PIR: variants seen among roughly 807,000 people sequenced by gnomAD.
PIR encodes pirin (iron-binding nuclear protein).
A neutral mutation model predicts 24.2 loss-of-function variants in PIR; 22 were observed. The ratio of observed to expected loss-of-function variants is 0.91; its 90% CI spans 0.65 to 1.30. The LOEUF is 1.30. Among genes scored for constraint, PIR ranks in the 50% most tolerant of loss-of-function variants. PIR has a pLI of 0.00. For missense variants in PIR, 220 were observed against 220.3 expected, an observed-to-expected ratio of 1.00 and a Z score of 0.01; for synonymous variants, 80 against 79.6, an observed-to-expected ratio of 1.00 and a Z score of -0.03.
chrX:15,425,639 T>C (rs1569199760), intron 6 of PIR, among the ~76,000 whole-genome samples: 1 of 111,163 alleles, frequency 9.0e-6, no homozygotes, highest in Non-Finnish European at 1.9e-5. Flanking sequence ...CTTGATCTCC[T>C]GACCTCGTGA....
intron 3 of PIR, 79 bp from the exon 4 acceptor site, chrX:15,459,819 C>T (rs1046943474): frequency 4.1e-5 from 22 of 532,121 alleles, no homozygotes; most frequent in African/African-American, 6.9e-5. Flanking sequence ...TCCCTACTGA[C>T]TTGTATGAGT....
chrX:15,483,646 A>G (rs184792205), intron 2 of PIR, among the ~76,000 whole-genome samples: 9 of 112,750 alleles, frequency 8.0e-5, no homozygotes, highest in Non-Finnish European at 1.5e-4. Context: ...TTAAAAGTCC[A>G]GGAACAGAAC....
At chrX:15,459,276 G>C (rs1242687885) in intron 4 of PIR, among the ~76,000 whole-genome samples, 1 of 111,988 alleles carries the variant, frequency 8.9e-6, no homozygotes, top group African/African-American at 3.2e-5. Context: ...TGGCAACTGG[G>C]ACATCACAAG....
intron 5 of PIR, among the ~76,000 whole-genome samples, chrX:15,438,532 T>A (rs1437190386): frequency 8.9e-6 from 1 of 111,980 alleles, no homozygotes; most frequent in Non-Finnish European, 1.9e-5. Context: ...CCTAGGCAAG[T>A]TGCTAACCTC....
At chrX:15,411,970 T>A (rs1473651326) in intron 6 of PIR, among the ~76,000 whole-genome samples, 1 of 112,138 alleles carries the variant, frequency 8.9e-6, no homozygotes, top group Non-Finnish European at 1.9e-5. Context: ...TTCTTTTTTT[T>A]TCTGAACTAT....
At chrX:15,389,387 A>G (rs1354177979) in intron 9 of PIR, among the ~76,000 whole-genome samples, 2 of 111,830 alleles carry the variant, frequency 1.8e-5, no homozygotes, top group Non-Finnish European at 3.8e-5. Flanking sequence ...TTTTTAAAGC[A>G]ATCCGTGTTC....
chrX:15,389,994 A>G (rs1923902280), intron 9 of PIR, 191 bp downstream of exon 9: 1 of 282,710 alleles, frequency 3.5e-6, no homozygotes, highest in South Asian at 2.2e-4. Flanking sequence ...GTTTCTTTAA[A>G]AAAAAAGAGA....
chrX:15,446,035 T>C, intron 5 of PIR, among the ~76,000 whole-genome samples: 2 of 109,360 alleles, frequency 1.8e-5, no homozygotes, highest in Admixed American at 1.9e-4. Flanking sequence ...TTCACCATGT[T>C]AGCCAGGACG....
chrX:15,421,858 C>T (rs1375051939), intron 6 of PIR, among the ~76,000 whole-genome samples: 1 of 111,345 alleles, frequency 9.0e-6, no homozygotes, highest in Admixed American at 9.6e-5. Flanking sequence ...AACCACAAGT[C>T]AATATTGCTG....
At chrX:15,432,236 A>G (rs1925533865) in intron 5 of PIR, among the ~76,000 whole-genome samples, 1 of 112,035 alleles carries the variant, frequency 8.9e-6, no homozygotes, top group Non-Finnish European at 1.9e-5. Flanking sequence ...AATATTGGTT[A>G]AGAATCTATA....
chrX:15,455,148 T>C (rs1005844015), intron 5 of PIR, among the ~76,000 whole-genome samples: 2 of 112,276 alleles, frequency 1.8e-5, no homozygotes, highest in African/African-American at 6.5e-5. Context: ...CTACCTCAGA[T>C]TGGTTGGTGT....
At chrX:15,429,801 A>C (rs1198652535) in intron 5 of PIR, 1 of 109,531 alleles carries the variant, frequency 9.1e-6, no homozygotes, top group African/African-American at 3.3e-5. Flanking sequence ...GCTTGCAGTG[A>C]GCCGAGATCC....
intron 5 of PIR, among the ~76,000 whole-genome samples, chrX:15,428,729 G>A (rs184806069): frequency 1.3e-3 from 140 of 110,128 alleles, no homozygotes; most frequent in Non-Finnish European, 2.4e-3. Context: ...GGCTGGTTTC[G>A]GACTCCTGGG....
intron 5 of PIR, among the ~76,000 whole-genome samples, chrX:15,436,595 G>C (rs1470107699): frequency 8.9e-6 from 1 of 112,054 alleles, no homozygotes; most frequent in African/African-American, 3.2e-5. Flanking sequence ...CTAACACAGA[G>C]CCTTCCTATT....
At chrX:15,395,897 T>G (rs761801879) in intron 8 of PIR, among the ~76,000 whole-genome samples, 1 of 112,353 alleles carries the variant, frequency 8.9e-6, no homozygotes, top group East Asian at 2.8e-4. Flanking sequence ...ACGATGCCAC[T>G]GGAGCCAGGA....
chrX:15,462,030 G>C (rs1471340043), intron 3 of PIR, among the ~76,000 whole-genome samples: 2 of 110,873 alleles, frequency 1.8e-5, no homozygotes, highest in Non-Finnish European at 3.8e-5. Flanking sequence ...TGTGTAGATA[G>C]AAAAACCTTC....
At chrX:15,416,495 T>G (rs1569197644) in intron 6 of PIR, among the ~76,000 whole-genome samples, 1 of 111,585 alleles carries the variant, frequency 9.0e-6, no homozygotes, top group Non-Finnish European at 1.9e-5. Context: ...CACTACTTGT[T>G]TTCGAGTCAT....
chrX:15,456,099 A>T, intron 4 of PIR, 45 bp from the exon 5 acceptor site: 4 of 1,065,239 alleles, frequency 3.8e-6, no homozygotes, highest in African/African-American at 1.8e-5. Flanking sequence ...CCAAGCTCCT[A>T]ATAAGTCTAT....
chrX:15,477,084 C>T (rs182861665), intron 3 of PIR, among the ~76,000 whole-genome samples: 1 of 111,757 alleles, frequency 8.9e-6, no homozygotes, highest in Non-Finnish European at 1.9e-5. Context: ...GCTAACATCA[C>T]AGGTGATTCT....
Sources: allele counts gnomAD v4.1 joint callset (sites outside exome capture counted in the v4.1 genomes callset), GRCh38; gene constraint gnomAD v4.1.1; transcripts MANE v1.5; gene names NCBI Gene and HGNC (gene_info 2026-07-23, HGNC 2026-07-21).